The following RIC1 variants were observed in gnomAD, a reference collection of about 807,000 sequenced individuals.
RIC1 encodes the protein RIC1 partner of RAB6A GEF complex, also known as guanine nucleotide exchange factor subunit RIC1.
In RIC1, 88 loss-of-function variants were observed where a neutral mutation model predicts 169.0. The observed-to-expected ratio is 0.52, with a 90% CI of 0.44 to 0.62. The LOEUF (loss-of-function observed/expected upper bound fraction) is 0.62. Ranked by LOEUF, RIC1 falls within the 20% of genes least tolerant of loss-of-function variation. The pLI is 0.00. For missense variants in RIC1, 1,877 were observed against 1,725.5 expected, an observed-to-expected ratio of 1.09 and a Z score of -1.56; for synonymous variants, 790 against 601.5, an observed-to-expected ratio of 1.31 and a Z score of -4.59.
chr9:5,637,090 A>G lies in RIC1; in HGVS notation c.144+7637A>G, dbSNP rs182347570. Among the ~76,000 whole-genome samples the G allele has an allele frequency of 1.4e-3, 216 of 152,130 alleles. 5 individuals carry two copies. The highest frequency in any genetic ancestry group is 0.011 in the South Asian group (53 of 4,832). Reference sequence around the variant, plus strand: ...TTGTTTGTTTTTGAGACAGGGTTTCACTTCAGTTGCCCAGGTTGGAGTGCA... The same window carrying G: ...TTGTTTGTTTTTGAGACAGGGTTTCGCTTCAGTTGCCCAGGTTGGAGTGCA... On this transcript the variant is annotated intron_variant, in intron 1 of 25. Coordinates refer to ENST00000414202, the MANE Select transcript of RIC1 (RefSeq NM_020829.4).
chr9:5,713,502 C>T (rs13297918), intron 3 of RIC1: 2,344 of 154,100 alleles, frequency 0.015, 26 homozygotes, highest in Non-Finnish European at 0.024. Context: ...TGAAGCCACA[C>T]GATTTGGATC....
In RIC1 at chr9:5,656,584, C is replaced by A; in HGVS notation, c.146C>A (p.Pro49His). 2 of 1,539,804 alleles carry A rather than the reference C, an allele frequency of 1.3e-6. No individual in the cohort carries two copies. The highest frequency in any genetic ancestry group is 1.2e-5 in the South Asian group (1 of 83,200). Residue 49 changes from proline (P) to histidine (H), a missense_variant and splice_region_variant, in exon 2 of 26, where the codon CCT (proline) becomes CAT (histidine). Around this residue, in one of 3 missense-constraint regions of RIC1, gnomAD observed 1,104 missense variants for 992.0 expected, o/e 1.11. Coordinates refer to ENST00000414202, the MANE Select transcript of RIC1 (RefSeq NM_020829.4). Reference protein sequence around the residue: ...AARLSIWYSRPSVLIVTYKEP... With the variant: ...AARLSIWYSRHSVLIVTYKEP... The stretch of plus-strand genomic sequence containing the variant: ...TTTTTTTTTTTTTTAATCACACAGC[C>A]TAGTGTGTTAATTGTAACCTACAAG...
chr9:5,734,751 G>A (rs1824595206), intron 7 of RIC1, among the ~76,000 whole-genome samples: 1 of 152,086 alleles, frequency 6.6e-6, no homozygotes, highest in South Asian at 2.1e-4. Flanking sequence ...GGTCAACATT[G>A]TGAGATTCAT....
At chr9:5,683,488 C>G (rs574534893) in intron 2 of RIC1, among the ~76,000 whole-genome samples, 16 of 152,174 alleles carry the variant, frequency 1.1e-4, no homozygotes, top group Non-Finnish European at 1.6e-4. Flanking sequence ...AATGCTGCTG[C>G]CTGATCGTTG....
intron 1 of RIC1, among the ~76,000 whole-genome samples, chr9:5,644,738 C>G (rs1351672649): frequency 1.3e-5 from 2 of 152,128 alleles, no homozygotes; most frequent in African/African-American, 2.4e-5. Flanking sequence ...CATTTGTATA[C>G]ATGTCTGTGT....
intron 23 of RIC1, among the ~76,000 whole-genome samples, chr9:5,771,181 G>T (rs1013467990): frequency 6.6e-6 from 1 of 152,086 alleles, no homozygotes; most frequent in African/African-American, 2.4e-5. Flanking sequence ...TCTTCAAAAC[G>T]AAAACTCTGT....
chr9:5,676,412 G>T (rs1274047370), intron 2 of RIC1, among the ~76,000 whole-genome samples: 1 of 152,002 alleles, frequency 6.6e-6, no homozygotes, highest in Non-Finnish European at 1.5e-5. Context: ...TATGTTCTAG[G>T]CACTGTTGTA....
rs111981546 is a variant in RIC1 at position 5,641,337 on chromosome 9, C to T, written c.144+11884C>T. Among the ~76,000 whole-genome samples, 767 of 152,112 alleles carry T rather than the reference C, an allele frequency of 5.0e-3. 8 individuals are homozygous for T. The highest frequency in any genetic ancestry group is 0.017 in the African/African-American group (721 of 41,496). On this transcript the variant is annotated intron_variant, in intron 1 of 25. Transcript: ENST00000414202. Reference sequence around the variant, plus strand: ...CGATCTCCTGACCTCATGATCTGCCCGCCTCGGCCTCCCAAAGTGCTGGGA... The same window carrying T: ...CGATCTCCTGACCTCATGATCTGCCTGCCTCGGCCTCCCAAAGTGCTGGGA...
At chr9:5,639,309 T>C (rs1167716098) in intron 1 of RIC1, among the ~76,000 whole-genome samples, 1 of 152,232 alleles carries the variant, frequency 6.6e-6, no homozygotes, top group Admixed American at 6.5e-5. Flanking sequence ...CCATTATCAT[T>C]TGTTTCAATA....
At position 5,714,142 on chromosome 9, in the gene RIC1, C is replaced by A. The variant is rs564599732; in HGVS notation, c.440+139C>A. On this transcript the variant is annotated intron_variant, in intron 4 of 25. Transcript: ENST00000414202. Reference sequence around the variant, plus strand: ...TTAGTTCTGGAAATGCTTGATTAACCCTTATAAGACAATGGAAGTTTTACA... The same window carrying A: ...TTAGTTCTGGAAATGCTTGATTAACACTTATAAGACAATGGAAGTTTTACA... 10 of 482,352 alleles carry A rather than the reference C, an allele frequency of 2.1e-5. 2 individuals are homozygous for A. In the South Asian group the frequency reaches 4.0e-4, roughly 19 times the overall value. 29.9% of individuals were successfully genotyped at this position (482,352 alleles called of 1,614,324 possible).
chr9:5,677,779 T>TA (rs1342920501), intron 2 of RIC1, among the ~76,000 whole-genome samples: 1 of 152,174 alleles, frequency 6.6e-6, no homozygotes, highest in Admixed American at 6.5e-5. Flanking sequence ...ATATGTAAAT[T>TA]AAAACTACAT....
Position 5,762,668 on chromosome 9 carries a change from A to C in RIC1, c.2112+8A>C. 1 of 1,612,904 alleles carries C rather than the reference A, an allele frequency of 6.2e-7. No homozygotes were observed. Among genetic ancestry groups the C allele is most frequent in the Non-Finnish European group, 8.5e-7 (1 of 1,179,376 alleles). ...AATAACCAAAGGAAACTTGTGAGTA[A>C]AGTACTAGTCATTTCTTTTCAAACA... On this transcript the variant is annotated splice_region_variant and intron_variant, in intron 18 of 25. Transcript: ENST00000414202.
At chr9:5,740,705 C>T (rs1466307282) in intron 8 of RIC1, among the ~76,000 whole-genome samples, 1 of 151,674 alleles carries the variant, frequency 6.6e-6, no homozygotes, top group Non-Finnish European at 1.5e-5. Context: ...GCCGCACTGG[C>T]AGCTGATTAG....
chr9:5,708,388 AC>A (rs1822728424), intron 3 of RIC1, among the ~76,000 whole-genome samples: 2 of 152,120 alleles, frequency 1.3e-5, no homozygotes, highest in South Asian at 4.1e-4. Context: ...TTATTTTCTT[AC>A]ATGGGTTTGA....
At chr9:5,660,804 C>G (rs949039716) in intron 2 of RIC1, among the ~76,000 whole-genome samples, 1 of 151,990 alleles carries the variant, frequency 6.6e-6, no homozygotes, top group African/African-American at 2.4e-5. Flanking sequence ...TGTTGTTTAT[C>G]TGCTCACTCC....
intron 12 of RIC1, among the ~76,000 whole-genome samples, chr9:5,751,163 C>G (rs1389344051): frequency 2.0e-5 from 3 of 151,624 alleles, no homozygotes; most frequent in Non-Finnish European, 4.4e-5. Flanking sequence ...CATGAAACAC[C>G]AAGGTTTGAG....
At chr9:5,664,019 C>T (rs1163952896) in intron 2 of RIC1, among the ~76,000 whole-genome samples, 1 of 152,090 alleles carries the variant, frequency 6.6e-6, no homozygotes, top group Non-Finnish European at 1.5e-5. Context: ...ATTCCCTCAG[C>T]GTTTGCTTGT....
In RIC1 at chr9:5,754,849, T is replaced by C; in HGVS notation, c.1611T>C (p.Asn537=). 6.4e-7 allele frequency: 1 copy of C among 1,561,286 alleles called. No homozygotes were observed. The highest frequency in any genetic ancestry group is 8.7e-7 in the Non-Finnish European group (1 of 1,146,102). ...KLFGNITQEQ[N]MIVTGGLAWW... Reference sequence around the variant, plus strand: ...AAAATTTTTATTTTAAGGAGCAAAATATGATCGTGACAGGTGGCTTAGCCT... The same window carrying C: ...AAAATTTTTATTTTAAGGAGCAAAACATGATCGTGACAGGTGGCTTAGCCT... The change falls in exon 15 of 26, where the codon AAT becomes AAC. Residue 537 remains asparagine, a synonymous_variant. Coordinates refer to ENST00000414202, the MANE Select transcript of RIC1 (RefSeq NM_020829.4).
rs570434814 is a variant in RIC1, at chr9:5,634,115, T to C, written c.144+4662T>C. Among the ~76,000 whole-genome samples, 5 of 152,288 alleles carry C rather than the reference T, an allele frequency of 3.3e-5. No individual in the cohort carries two copies. In the South Asian group the frequency reaches 1.0e-3, roughly 32 times the overall value. ...ATGTGTGTATGTGTGTGTGTTACAT[T>C]TTCTTTATCCATTCATCTATTGACA... On this transcript the variant is annotated intron_variant, in intron 1 of 25. Coordinates refer to ENST00000414202, the MANE Select transcript of RIC1 (RefSeq NM_020829.4).
Sources: allele counts gnomAD v4.1 joint callset (sites outside exome capture counted in the v4.1 genomes callset), GRCh38; gene constraint gnomAD v4.1.1; regional missense constraint gnomAD v4.1.1; transcripts MANE v1.5; gene names NCBI Gene and HGNC (gene_info 2026-07-23, HGNC 2026-07-21).